ATG7: variants seen among roughly 807,000 people sequenced by gnomAD.
The protein encoded by ATG7 is ubiquitin-like modifier-activating enzyme ATG7.
Under a neutral mutation model 82.4 loss-of-function variants are expected in ATG7, and 70 were observed. The ratio of observed to expected loss-of-function variants is 0.85; its 90% CI spans 0.70 to 1.04. The LOEUF (loss-of-function observed/expected upper bound fraction) is 1.04, where lower values mean the gene tolerates loss of function less well. Among genes scored for constraint, ATG7 ranks in the 50% least tolerant of loss-of-function variants. The pLI, the probability that ATG7 is intolerant of heterozygous loss-of-function variation, is 0.00. For missense variants in ATG7, 792 were observed against 864.3 expected, an observed-to-expected ratio of 0.92 and a Z score of 1.05; for synonymous variants, 287 against 313.0, an observed-to-expected ratio of 0.92 and a Z score of 0.88.
chr3:11,554,152 G>A (rs771059744), intron 20 of ATG7, among the ~76,000 whole-genome samples: 12 of 152,222 alleles, frequency 7.9e-5, no homozygotes, highest in African/African-American at 2.4e-4. Context: ...TCACAGCCAC[G>A]TTGGGGCCTC....
At chr3:11,287,382 G>A (rs1223004834) in intron 3 of ATG7, among the ~76,000 whole-genome samples, 1 of 152,232 alleles carries the variant, frequency 6.6e-6, no homozygotes, top group Non-Finnish European at 1.5e-5. Context: ...GAAGCAAGGT[G>A]AGGGAGAACA....
the ATG7 span, among the ~76,000 whole-genome samples, chr3:11,574,918 A>G: frequency 6.6e-6 from 1 of 151,874 alleles, no homozygotes; most frequent in African/African-American, 2.4e-5. Context: ...ATGCGCCTAC[A>G]TACAAAAGGG....
chr3:11,575,580 G>A, the ATG7 span, among the ~76,000 whole-genome samples: 25 of 152,310 alleles, frequency 1.6e-4, no homozygotes, highest in South Asian at 4.6e-3. Flanking sequence ...TGGCGGATCC[G>A]GAACCACAGT....
chr3:11,471,026 A>AC (rs1483959474), intron 20 of ATG7, among the ~76,000 whole-genome samples: 1 of 151,228 alleles, frequency 6.6e-6, no homozygotes, highest in African/African-American at 2.4e-5. Context: ...TCTCCATCAA[A>AC]CTCCCCATAG....
chr3:11,313,466 C>G, intron 8 of ATG7, 46 bp downstream of exon 8: 1 of 1,384,696 alleles, frequency 7.2e-7, no homozygotes, highest in Non-Finnish European at 1.0e-6. Context: ...GTTGAATGTG[C>G]AAGAGTAGTT....
At chr3:11,486,062 T>C (rs1559724583) in intron 20 of ATG7, among the ~76,000 whole-genome samples, 1 of 152,234 alleles carries the variant, frequency 6.6e-6, no homozygotes, top group Non-Finnish European at 1.5e-5. Context: ...TAAGTAGTTT[T>C]TTCCAATTCT....
intron 20 of ATG7, among the ~76,000 whole-genome samples, chr3:11,495,451 C>G (rs184480872): frequency 7.1e-4 from 101 of 142,832 alleles, no homozygotes; most frequent in Admixed American, 3.4e-3. Flanking sequence ...GACAGGCTGG[C>G]AGAGACCCCC....
intron 19 of ATG7, among the ~76,000 whole-genome samples, chr3:11,381,757 G>A (rs2077918520): frequency 1.3e-5 from 2 of 152,086 alleles, no homozygotes; most frequent in Admixed American, 6.5e-5. Context: ...TTCCCATAGC[G>A]GTCACTTTTC....
intron 20 of ATG7, chr3:11,477,356 TGTAA>T (rs2088376525): frequency 9.2e-7 from 1 of 1,089,034 alleles, no homozygotes; most frequent in Non-Finnish European, 1.2e-6. Flanking sequence ...CAGTAATGAA[TGTAA>T]GTTTCTCCAT....
At chr3:11,488,667 A>T (rs925250350) in intron 20 of ATG7, among the ~76,000 whole-genome samples, 2 of 152,142 alleles carry the variant, frequency 1.3e-5, no homozygotes, top group African/African-American at 4.8e-5. Context: ...TCAAGATGTG[A>T]ATGATTCTTC....
At chr3:11,314,314 C>A (rs751108894) in intron 8 of ATG7, among the ~76,000 whole-genome samples, 64 of 152,134 alleles carry the variant, frequency 4.2e-4, no homozygotes, top group Non-Finnish European at 8.5e-4. Context: ...GATTTGAATT[C>A]TTGAAACACA....
chr3:11,309,368 C>G (rs1272243065), intron 7 of ATG7, among the ~76,000 whole-genome samples: 1 of 152,096 alleles, frequency 6.6e-6, no homozygotes, highest in Non-Finnish European at 1.5e-5. Flanking sequence ...AAATACCATC[C>G]TAAATACCAT....
At chr3:11,302,431 A>T (rs1946930934) in intron 5 of ATG7, among the ~76,000 whole-genome samples, 2 of 152,174 alleles carry the variant, frequency 1.3e-5, no homozygotes, top group Non-Finnish European at 2.9e-5. Flanking sequence ...ATTGCTGTAT[A>T]TCTGCATGGG....
chr3:11,481,626 C>G (rs1048377340), intron 20 of ATG7, among the ~76,000 whole-genome samples: 1 of 152,182 alleles, frequency 6.6e-6, no homozygotes, highest in Non-Finnish European at 1.5e-5. Flanking sequence ...AATTGTATAA[C>G]CTTTCCTGGG....
At chr3:11,573,244 AGAGAAAG>A in the ATG7 span, among the ~76,000 whole-genome samples, 1 of 80,936 alleles carries the variant, frequency 1.2e-5, no homozygotes. Flanking sequence ...GAAAAGAAAT[AGAGAAAG>A]AAAGAAAGAA....
At chr3:11,374,972 G>A (rs1293114072) in intron 18 of ATG7, among the ~76,000 whole-genome samples, 1 of 150,760 alleles carries the variant, frequency 6.6e-6, no homozygotes, top group Admixed American at 6.6e-5. Context: ...GGAGGCCAAG[G>A]TGGGAGGATC....
downstream of ATG7, chr3:11,558,739 G>T (rs567946589): frequency 2.2e-5 from 35 of 1,614,196 alleles, 1 homozygote; most frequent in South Asian, 3.8e-4. Flanking sequence ...TGATGGACAC[G>T]GAGTTGGGTG....
rs550434320 is a variant in ATG7 at position 11,520,539 on chromosome 3, G to A, written c.2080-34272G>A. 4.7e-4 allele frequency among the ~76,000 whole-genome samples: 71 copies of A among 152,328 alleles called. 1 individual carries two copies. In the Middle Eastern group the frequency reaches 0.014, roughly 29 times the overall value. ...CCGGATGGGCTGGGGACATGGGGAT[G>A]AGGAAGATGCCGTGCTGGCCCTGGA... On this transcript the variant is annotated intron_variant, in intron 20 of 20. Coordinates refer to ENST00000693202, the MANE Select transcript of ATG7 (RefSeq NM_001349232.2).
At chr3:11,431,100 C>A (rs2082833981) in intron 20 of ATG7, among the ~76,000 whole-genome samples, 1 of 152,176 alleles carries the variant, frequency 6.6e-6, no homozygotes, top group Non-Finnish European at 1.5e-5. Context: ...AATTCACATA[C>A]CATAAAACAC....
Sources: allele counts gnomAD v4.1 joint callset (sites outside exome capture counted in the v4.1 genomes callset), GRCh38; gene constraint gnomAD v4.1.1; transcripts MANE v1.5; gene names NCBI Gene and HGNC (gene_info 2026-07-23, HGNC 2026-07-21).